PPIL2: variants seen among roughly 807,000 people sequenced by gnomAD.
PPIL2 encodes the protein peptidylprolyl isomerase like 2.
In PPIL2, 50 loss-of-function variants were observed where a neutral mutation model predicts 75.2. That is an observed-to-expected ratio of 0.66 (90% CI 0.53 to 0.84). The LOEUF (loss-of-function observed/expected upper bound fraction) is 0.84. PPIL2 is among the 40% of genes least tolerant of loss of function. The probability of loss-of-function intolerance (pLI) is 0.00; values close to 1 mark genes in which losing one functional copy is unlikely to be tolerated. For missense variants in PPIL2, 590 were observed against 685.0 expected (o/e 0.86, Z 1.55); for synonymous variants, 245 against 258.8 (o/e 0.95, Z 0.51).
chr22:21,675,500 C>T (rs1250122375), intron 6 of PPIL2, among the ~76,000 whole-genome samples: 2 of 152,110 alleles, frequency 1.3e-5, no homozygotes, highest in Admixed American at 6.5e-5. Flanking sequence ...GGTGCCACTG[C>T]ACTCCAGCCT....
chr22:21,667,874 C>G (rs900395464), intron 1 of PPIL2, among the ~76,000 whole-genome samples: 3 of 146,728 alleles, frequency 2.0e-5, no homozygotes, highest in Non-Finnish European at 4.5e-5. Context: ...TTCCCACATT[C>G]AAGCAATTCT....
At chr22:21,673,142 A>G (rs1156397853) in intron 5 of PPIL2, among the ~76,000 whole-genome samples, 1 of 152,136 alleles carries the variant, frequency 6.6e-6, no homozygotes, top group Admixed American at 6.5e-5. Context: ...TCTCTTTCAA[A>G]TGCTTGGGTA....
At chr22:21,683,791 G>T (rs997737461) in intron 9 of PPIL2, among the ~76,000 whole-genome samples, 2 of 152,386 alleles carry the variant, frequency 1.3e-5, no homozygotes, top group Admixed American at 1.3e-4. Flanking sequence ...CACAGGGTGG[G>T]CTGCTGTCCA....
In PPIL2 at chr22:21,693,939, GCCT is replaced by G; in HGVS notation, c.1196+72_1196+74del. 2.0e-6 allele frequency: 3 copies of G among 1,474,844 alleles called. No homozygotes were observed. The South Asian group carries it at 3.4e-5, about 17-fold the overall frequency. The allele number at this position is 1,474,844 out of a possible 1,614,324, so 91.4% of individuals were successfully genotyped here. A position where few individuals can be genotyped will look rare whatever the true frequency, so the allele number is the denominator to read the frequency against. On this transcript the variant is annotated intron_variant, in intron 16 of 19. Coordinates refer to ENST00000398831, the MANE Select transcript of PPIL2 (RefSeq NM_014337.4). ...TAGGTGGGTTCCTTCCCCACCTGAG[GCCT>G]CCTCACTGCCTTTTTCGTGGACCTG...
chr22:21,683,186 C>T lies in PPIL2; in HGVS notation c.482C>T (p.Pro161Leu), dbSNP rs765685353. ...GGCATTCTCTTTTTGCCACAGGACC[C>T]CACCAATTTGGACAAGTTCAATGTC... is the stretch of plus-strand genomic sequence containing the variant. ...SRQDIITLQD[P>L]TNLDKFNVSN... is the part of the protein sequence containing the mutation. Residue 161 changes from proline to leucine, a missense_variant, in exon 9 of 20, where the codon CCC (proline) becomes CTC (leucine). By Grantham distance (98) the Pro-to-Leu change is moderately conservative. Transcript: ENST00000398831. 9.3e-6 allele frequency: 15 copies of T among 1,613,050 alleles called. No individual in the cohort carries two copies. In the East Asian group the frequency reaches 3.3e-4, roughly 36 times the overall value.
intron 11 of PPIL2, 79 bp downstream of exon 11, chr22:21,686,637 T>G: frequency 2.1e-6 from 3 of 1,422,860 alleles, no homozygotes; most frequent in Non-Finnish European, 2.0e-6. Flanking sequence ...CGACTCCCAC[T>G]TTATTGGTCT....
chr22:21,695,741 G>GCCTGC lies in PPIL2; in HGVS notation c.*255_*259dup, dbSNP rs2067900730. The GCCTGC allele has an allele frequency of 7.6e-7, 1 of 1,320,074 alleles. No homozygotes were observed. Among genetic ancestry groups the GCCTGC allele is most frequent in the African/African-American group, 1.5e-5 (1 of 66,930 alleles). 81.8% of individuals were successfully genotyped at this position (1,320,074 alleles called of 1,614,324 possible). On this transcript the variant is annotated 3_prime_UTR_variant, in exon 20 of 20. Coordinates refer to ENST00000398831, the MANE Select transcript of PPIL2 (RefSeq NM_014337.4). ...CACTGCTGGGACCTTCAAGCACAAGGCCTGCCCTACACCCAGGCTGGTGCC... is the reference window on the plus strand; with the variant it reads ...CACTGCTGGGACCTTCAAGCACAAGGCCTGCCCTGCCCTACACCCAGGCTGGTGCC...
chr22:21,680,007 G>A (rs548484956), intron 6 of PPIL2, among the ~76,000 whole-genome samples: 5 of 151,476 alleles, frequency 3.3e-5, no homozygotes, highest in Admixed American at 2.0e-4. Flanking sequence ...GGAGAATGGC[G>A]TGAACCCGGG....
At chr22:21,685,152 G>A (rs963246529) in intron 10 of PPIL2, among the ~76,000 whole-genome samples, 6 of 152,210 alleles carry the variant, frequency 3.9e-5, no homozygotes, top group African/African-American at 1.4e-4. Context: ...CACACTGGTC[G>A]TTGAAGAACC....
Position 21,693,864 on chromosome 22 carries a change from CTT to C in PPIL2, c.1190_1191del (p.Phe397TrpfsTer8). On this transcript the variant is annotated frameshift_variant, in exon 16 of 20. Transcript: ENST00000398831. LOFTEE classifies it high-confidence loss of function. ...CAYLDKKHTI[F>X]GRVVGGFDVL... ...CCTACCTGGACAAGAAGCATACCAT[CTT>C]TGGACGGTAAGGGAAGCGGCTGTGT... The C allele has an allele frequency of 6.5e-7, 1 of 1,542,248 alleles. No individual in the cohort carries two copies.
rs1177918041 is a variant in PPIL2 at position 21,676,381 on chromosome 22, T to A, written c.295+1266T>A. 8.6e-5 allele frequency among the ~76,000 whole-genome samples: 13 copies of A among 150,516 alleles called. 1 individual carries two copies. Among genetic ancestry groups the A allele is most frequent in the African/African-American group, 1.2e-4 (5 of 40,968 alleles). ...ATTTCTCCAAACCTCTTTTTTTTTT[T>A]ATTGATCATTCTTGGGTGTTTCTCA... is the stretch of plus-strand genomic sequence containing the variant. On this transcript the variant is annotated intron_variant, in intron 6 of 19. Coordinates refer to ENST00000398831, the MANE Select transcript of PPIL2 (RefSeq NM_014337.4).
chr22:21,679,825 C>A (rs987352375), intron 6 of PPIL2, among the ~76,000 whole-genome samples: 9 of 149,192 alleles, frequency 6.0e-5, no homozygotes, highest in African/African-American at 2.2e-4. Flanking sequence ...CGGTGGCTCA[C>A]GCCTGTAATC....
chr22:21,688,111 G>C lies in PPIL2; in HGVS notation c.1021+5G>C. 1 of 1,614,200 alleles carries C rather than the reference G, an allele frequency of 6.2e-7. No individual in the cohort carries two copies. The highest frequency in any genetic ancestry group is 8.5e-7 in the Non-Finnish European group (1 of 1,180,040). ...ACCCCACAGGCACAGGCACGGGTAGGTACTGGTGCTGGGCCCCTCTCTGGG... is the reference window on the plus strand; with the variant it reads ...ACCCCACAGGCACAGGCACGGGTAGCTACTGGTGCTGGGCCCCTCTCTGGG... On this transcript the variant is annotated splice_donor_5th_base_variant and intron_variant, in intron 14 of 19. Coordinates refer to ENST00000398831, the MANE Select transcript of PPIL2 (RefSeq NM_014337.4).
chr22:21,677,974 CCT>C (rs2066948590), intron 6 of PPIL2, among the ~76,000 whole-genome samples: 1 of 152,144 alleles, frequency 6.6e-6, no homozygotes, highest in African/African-American at 2.4e-5. Flanking sequence ...GTGCAAAGAC[CCT>C]GAGGTGGGCG....
intron 12 of PPIL2, 22 bp downstream of exon 12, chr22:21,687,020 T>G (rs939733429): frequency 2.5e-6 from 4 of 1,596,344 alleles, no homozygotes; most frequent in Admixed American, 3.3e-5. Flanking sequence ...GGCCAGCCAC[T>G]CCCCATGCCC....
intron 9 of PPIL2, among the ~76,000 whole-genome samples, chr22:21,684,454 CAA>C (rs1028354500): frequency 2.1e-5 from 1 of 47,552 alleles, no homozygotes; most frequent in Non-Finnish European, 3.7e-5. Flanking sequence ...TCCATCTCCA[CAA>C]AAAAAAAAAA....
At chr22:21,695,299 G>T in intron 19 of PPIL2, 95 bp from the exon 20 acceptor site, 1 of 1,423,054 alleles carries the variant, frequency 7.0e-7, no homozygotes. Context: ...GGTGGGAGGG[G>T]TTGGGCCTAC....
chr22:21,693,619 G>A lies in PPIL2; in HGVS notation c.1140-197G>A, dbSNP rs181298963. ...AAGACCTGGGGACAGCTGGAGTTCC[G>A]GGGTCCCCTGGGCAGCCTTGGGGGC... On this transcript the variant is annotated intron_variant, in intron 15 of 19. Coordinates refer to ENST00000398831, the MANE Select transcript of PPIL2 (RefSeq NM_014337.4). Among the ~76,000 whole-genome samples the A allele has an allele frequency of 7.9e-5, 12 of 152,320 alleles. No individual in the cohort carries two copies. In the South Asian group the frequency reaches 1.0e-3, roughly 13 times the overall value.
rs745344436 is a variant in PPIL2, at chr22:21,695,081, C to T, written c.1466+11C>T. The T allele has an allele frequency of 3.5e-5, 56 of 1,589,950 alleles. No individual in the cohort carries two copies. In the Admixed American group the frequency reaches 5.4e-4, roughly 15 times the overall value. Reference sequence around the variant, plus strand: ...CAACCCAGCAGCCACGTGAGTGCCGCGGGGCTGGCCTCCCTGTTTCCCATG... The same window carrying T: ...CAACCCAGCAGCCACGTGAGTGCCGTGGGGCTGGCCTCCCTGTTTCCCATG... On this transcript the variant is annotated intron_variant, in intron 19 of 19. Transcript: ENST00000398831.
Sources: allele counts gnomAD v4.1 joint callset (sites outside exome capture counted in the v4.1 genomes callset), GRCh38; gene constraint gnomAD v4.1.1; transcripts MANE v1.5; gene names NCBI Gene and HGNC (gene_info 2026-07-23, HGNC 2026-07-21).